The following SYT17 variants were observed in gnomAD, a reference collection of about 807,000 sequenced individuals.
SYT17 encodes the protein synaptotagmin 17, also known as synaptotagmin-17.
In SYT17, 22 loss-of-function variants were observed where a neutral mutation model predicts 46.7. The ratio of observed to expected loss-of-function variants is 0.47; its 90% confidence interval spans 0.34 to 0.67. SYT17 has a LOEUF of 0.67. Ranked by LOEUF, SYT17 falls within the 30% of genes least tolerant of loss-of-function variation. SYT17 has a pLI of 0.01. For missense variants in SYT17, 519 were observed against 612.8 expected (o/e 0.85, Z 1.62); for synonymous variants, 251 against 248.4 (o/e 1.01, Z -0.10).
In SYT17 at chr16:19,252,404, CAT is replaced by C. The variant is rs1247348227; in HGVS notation, c.1229-14466_1229-14465del. Among the ~76,000 whole-genome samples the C allele has an allele frequency of 1.1e-3, 21 of 19,932 alleles. 8 individuals carry two copies. Among genetic ancestry groups the C allele is most frequent in the African/African-American group, 3.3e-3 (7 of 2,128 alleles). The allele number at this position is 19,932 out of a possible 152,430, so 13.1% of individuals were successfully genotyped here. A position where few individuals can be genotyped will look rare whatever the true frequency, so the allele number is the denominator to read the frequency against. On this transcript the variant is annotated intron_variant, in intron 7 of 7. Coordinates refer to ENST00000355377, the MANE Select transcript of SYT17 (RefSeq NM_016524.4). ...ACATATATATATATACATATATATA[CAT>C]ATATATATACATATATATATACATA... is the stretch of plus-strand genomic sequence containing the variant.
At chr16:19,228,430 G>A (rs980077678) in intron 7 of SYT17, among the ~76,000 whole-genome samples, 2 of 152,138 alleles carry the variant, frequency 1.3e-5, no homozygotes, top group Non-Finnish European at 2.9e-5. Flanking sequence ...AGGAAGCATT[G>A]CCTGCCTGCC....
Position 19,206,616 on chromosome 16 carries a change from C to A in SYT17, c.952-16429C>A, listed in dbSNP as rs373009332. On this transcript the variant is annotated intron_variant, in intron 5 of 7. Coordinates refer to ENST00000355377, the MANE Select transcript of SYT17 (RefSeq NM_016524.4). ...TTAGCCGAGTTGATTCCTTGCAGAC[C>A]TCTACAGGAGAAACCACCCCAGGCC... Among the ~76,000 whole-genome samples, 97 of 152,188 alleles carry A rather than the reference C, an allele frequency of 6.4e-4. 1 individual carries two copies. In the South Asian group the frequency reaches 0.02, roughly 31 times the overall value.
At chr16:19,186,394 G>C (rs1243757302) in intron 5 of SYT17, among the ~76,000 whole-genome samples, 1 of 152,142 alleles carries the variant, frequency 6.6e-6, no homozygotes, top group African/African-American at 2.4e-5. Context: ...TGAGGCAGGA[G>C]GATTGCTCGA....
intron 5 of SYT17, among the ~76,000 whole-genome samples, chr16:19,219,611 C>G (rs972471424): frequency 6.6e-6 from 1 of 152,176 alleles, no homozygotes; most frequent in Admixed American, 6.5e-5. Flanking sequence ...GCACACGTAA[C>G]TGCTACCACA....
rs138019619 is a variant in SYT17 at position 19,196,148 on chromosome 16, T to C, written c.951+12001T>C. 4.6e-5 allele frequency among the ~76,000 whole-genome samples: 7 copies of C among 152,148 alleles called. 1 individual carries two copies. Among genetic ancestry groups the C allele is most frequent in the African/African-American group, 1.4e-4 (6 of 41,492 alleles). The stretch of plus-strand genomic sequence containing the variant: ...GAGGGAGATTGAGACACAATTGAGG[T>C]TGAAACCAGAAGGAATTGGCTTAGA... On this transcript the variant is annotated intron_variant, in intron 5 of 7. Coordinates refer to ENST00000355377, the MANE Select transcript of SYT17 (RefSeq NM_016524.4).
In SYT17 at chr16:19,249,905, C is replaced by T. The variant is rs767020314; in HGVS notation, c.1229-16975C>T. On this transcript the variant is annotated intron_variant, in intron 7 of 7. Coordinates refer to ENST00000355377, the MANE Select transcript of SYT17 (RefSeq NM_016524.4). Reference sequence around the variant, plus strand: ...CGTCTTGTCTTGCTCACTCCCTTGTCCCCAGCAGATTCACCAAGTCCTCTT... The same window carrying T: ...CGTCTTGTCTTGCTCACTCCCTTGTTCCCAGCAGATTCACCAAGTCCTCTT... 10 of 1,533,546 alleles carry T rather than the reference C, an allele frequency of 6.5e-6. No individual in the cohort carries two copies. The East Asian group carries it at 1.7e-4, about 26-fold the overall frequency. The allele number at this position is 1,533,546 out of a possible 1,614,324, so 95.0% of individuals were successfully genotyped here.
chr16:19,267,132 A>C lies in SYT17; in HGVS notation c.*56A>C. The C allele has an allele frequency of 7.1e-7, 1 of 1,412,124 alleles. No homozygotes were observed. The highest frequency in any genetic ancestry group is 1.4e-5 in the South Asian group (1 of 71,908). The allele number at this position is 1,412,124 out of a possible 1,614,324, so 87.5% of individuals were successfully genotyped here. A position where few individuals can be genotyped will look rare whatever the true frequency, so the allele number is the denominator to read the frequency against. ...TAAAAAAAAAAAAAAAAGACGGAAA[A>C]AAATGTGTCACATACTATTACATCC... On this transcript the variant is annotated 3_prime_UTR_variant, in exon 8 of 8. Transcript: ENST00000355377.
At chr16:19,175,220 G>C (rs1964266196) in intron 3 of SYT17, among the ~76,000 whole-genome samples, 1 of 152,182 alleles carries the variant, frequency 6.6e-6, no homozygotes, top group Non-Finnish European at 1.5e-5. Flanking sequence ...GTCAGTATTA[G>C]GTTTCAATAG....
intron 3 of SYT17, among the ~76,000 whole-genome samples, chr16:19,179,303 A>T (rs566782815): frequency 2.4e-4 from 36 of 152,150 alleles, no homozygotes; most frequent in African/African-American, 6.7e-4. Flanking sequence ...AATTTAAAAA[A>T]TTTTTTTGTA....
chr16:19,225,437 G>A (rs542465101), intron 7 of SYT17, among the ~76,000 whole-genome samples: 12 of 152,196 alleles, frequency 7.9e-5, no homozygotes, highest in African/African-American at 2.7e-4. Flanking sequence ...TATTTCCAGG[G>A]TATATTAGTT....
intron 5 of SYT17, among the ~76,000 whole-genome samples, chr16:19,200,300 C>T (rs564313993): frequency 1.8e-4 from 27 of 152,296 alleles, no homozygotes; most frequent in Non-Finnish European, 3.1e-4. Context: ...CTAGGAAACA[C>T]ATTTTAGAAA....
At chr16:19,258,621 G>A (rs137861655) in intron 7 of SYT17, among the ~76,000 whole-genome samples, 6,517 of 152,136 alleles carry the variant, frequency 0.043, 449 homozygotes, top group African/African-American at 0.15. Context: ...CAGCCTGGGC[G>A]ACAGAGCAAG....
At chr16:19,190,579 G>A (rs575693293) in intron 5 of SYT17, among the ~76,000 whole-genome samples, 9 of 152,052 alleles carry the variant, frequency 5.9e-5, no homozygotes, top group East Asian at 3.9e-4. Flanking sequence ...CCCTCTCCCC[G>A]CAGCCCCTGA....
At chr16:19,246,926 T>A (rs2142991648) in intron 7 of SYT17, among the ~76,000 whole-genome samples, 1 of 152,090 alleles carries the variant, frequency 6.6e-6, no homozygotes, top group Non-Finnish European at 1.5e-5. Flanking sequence ...AATTTTGCAG[T>A]TGAGAGGTGA....
chr16:19,227,327 T>C (rs1966532942), intron 7 of SYT17, among the ~76,000 whole-genome samples: 2 of 151,508 alleles, frequency 1.3e-5, no homozygotes, highest in South Asian at 4.2e-4. Context: ...CTCCCCGCTT[T>C]TTTTTTTTTG....
intron 5 of SYT17, among the ~76,000 whole-genome samples, chr16:19,189,895 C>T (rs1964945744): frequency 6.6e-6 from 1 of 152,222 alleles, no homozygotes; most frequent in African/African-American, 2.4e-5. Context: ...ATATAGGCAC[C>T]TCCTGGTTCA....
chr16:19,184,749 T>A (rs991271270), intron 5 of SYT17, among the ~76,000 whole-genome samples: 1 of 152,170 alleles, frequency 6.6e-6, no homozygotes, highest in Non-Finnish European at 1.5e-5. Flanking sequence ...TCATCGATGC[T>A]GAGTTATTTA....
At position 19,261,643 on chromosome 16, in the gene SYT17, T is replaced by G. The variant is rs987949150; in HGVS notation, c.1229-5237T>G. 2.6e-5 allele frequency among the ~76,000 whole-genome samples: 4 copies of G among 152,246 alleles called. No homozygotes were observed. The South Asian group carries it at 8.3e-4, about 32-fold the overall frequency. ...GATACAGAAAGTGGACATTTTCCTC[T>G]GTTTCCCCCTTCCCAGAGAGAGCCA... is the stretch of plus-strand genomic sequence containing the variant. On this transcript the variant is annotated intron_variant, in intron 7 of 7. Transcript: ENST00000355377.
intron 1 of SYT17, chr16:19,170,102 G>A (rs905068635): frequency 6.6e-6 from 1 of 152,170 alleles, no homozygotes; most frequent in Non-Finnish European, 1.5e-5. Flanking sequence ...GTTAAACTTT[G>A]TTGTCCTGTA....
Sources: gnomAD v4.1 joint callset for allele counts (sites outside exome capture counted in the v4.1 genomes callset) on GRCh38, gnomAD v4.1.1 for gene constraint, MANE v1.5 for transcripts, NCBI Gene and HGNC (gene_info 2026-07-23, HGNC 2026-07-21) for gene names.